SLMAP: variants seen among roughly 807,000 people sequenced by gnomAD.
The protein encoded by SLMAP is sarcolemma associated protein.
Under a neutral mutation model 128.8 loss-of-function variants are expected in SLMAP, and 44 were observed. That is an observed-to-expected ratio of 0.34 (90% CI 0.27 to 0.44). SLMAP has a LOEUF of 0.44. Among genes scored for constraint, SLMAP ranks in the 20% least tolerant of loss-of-function variants. The pLI, the probability that SLMAP is intolerant of heterozygous loss-of-function variation, is 1.00. For synonymous variants in SLMAP, 327 were observed against 348.8 expected (o/e 0.94, Z 0.70); for missense variants, 787 against 985.3 (o/e 0.80, Z 2.69).
intron 2 of SLMAP, among the ~76,000 whole-genome samples, chr3:57,764,224 G>C (rs994685651): frequency 6.6e-6 from 1 of 152,028 alleles, no homozygotes; most frequent in African/African-American, 2.4e-5. Flanking sequence ...AGAGTGGGCC[G>C]GGTGCGGTGG....
At chr3:57,832,681 A>T (rs1299321574) in intron 3 of SLMAP, among the ~76,000 whole-genome samples, 1 of 152,150 alleles carries the variant, frequency 6.6e-6, no homozygotes, top group Admixed American at 6.5e-5. Flanking sequence ...GGTGATGATG[A>T]TAATGCTGAT....
chr3:57,871,529 G>C (rs1462684116), intron 13 of SLMAP, 107 bp from the exon 14 acceptor site: 4 of 763,306 alleles, frequency 5.2e-6, no homozygotes, highest in Non-Finnish European at 9.1e-6. Flanking sequence ...GCCTTTATTA[G>C]TCTTACTTAG....
intron 2 of SLMAP, among the ~76,000 whole-genome samples, chr3:57,814,143 A>G (rs944846911): frequency 6.7e-6 from 1 of 149,704 alleles, no homozygotes; most frequent in East Asian, 2.0e-4. Flanking sequence ...TTTCCAAGTC[A>G]TGAGCCCCTC....
rs35541333 is a variant in SLMAP at position 57,885,771 on chromosome 3, C to CTTTTT, written c.1301-4244_1301-4240dup. ...TTGTTTTGCTTTTCGGTTTTTGGTT[C>CTTTTT]TTTTTTTTTTTTTTTTTTTTTTTTT... On this transcript the variant is annotated intron_variant, in intron 14 of 24. Transcript: ENST00000671191. Among the ~76,000 whole-genome samples, 92 of 53,582 alleles carry CTTTTT rather than the reference C, an allele frequency of 1.7e-3. 21 individuals carry two copies. The highest frequency in any genetic ancestry group is 2.3e-3 in the Non-Finnish European group (68 of 30,198). The allele number at this position is 53,582 out of a possible 152,430, so 35.2% of individuals were successfully genotyped here.
chr3:57,889,928 A>G (rs2096012993), intron 14 of SLMAP, 113 bp from the exon 15 acceptor site: 3 of 704,138 alleles, frequency 4.3e-6, no homozygotes, highest in Admixed American at 2.1e-5. Flanking sequence ...AAGCTTGGTC[A>G]TAGGAGTAAT....
chr3:57,849,617 T>C, intron 5 of SLMAP, 137 bp from the exon 6 acceptor site: 1 of 576,334 alleles, frequency 1.7e-6, no homozygotes, highest in Non-Finnish European at 3.1e-6. Context: ...AAGGCTATAT[T>C]GCCTTTGTGC....
chr3:57,771,917 G>A (rs1398922441), intron 2 of SLMAP, among the ~76,000 whole-genome samples: 1 of 152,168 alleles, frequency 6.6e-6, no homozygotes, highest in African/African-American at 2.4e-5. Flanking sequence ...CGCCTTACTT[G>A]AAGATTTGAA....
intron 2 of SLMAP, among the ~76,000 whole-genome samples, chr3:57,761,281 A>ATTTTGT (rs1435038977): frequency 6.6e-6 from 1 of 151,598 alleles, no homozygotes; most frequent in Non-Finnish European, 1.5e-5. Flanking sequence ...TATAGAATAA[A>ATTTTGT]TTTTGTTTTT....
intron 23 of SLMAP, among the ~76,000 whole-genome samples, chr3:57,924,376 C>CT (rs1004075421): frequency 7.5e-5 from 11 of 146,952 alleles, no homozygotes; most frequent in East Asian, 2.0e-4. Context: ...TCTTTTTTCT[C>CT]TTTTTTTTTG....
chr3:57,871,506 C>A, intron 13 of SLMAP, 130 bp from the exon 14 acceptor site: 1 of 639,874 alleles, frequency 1.6e-6, no homozygotes, highest in South Asian at 1.9e-5. Context: ...GCTTTAGTAT[C>A]AAAATATATT....
rs532058171 is a variant in SLMAP at position 57,848,795 on chromosome 3, C to T, written c.457-959C>T. Among the ~76,000 whole-genome samples the T allele has an allele frequency of 6.7e-5, 10 of 148,726 alleles. No individual in the cohort carries two copies. The South Asian group carries it at 8.6e-4, about 13-fold the overall frequency. On this transcript the variant is annotated intron_variant, in intron 5 of 24. Transcript: ENST00000671191. ...TGCAATCTCAGTTTACTGCAACCTCCGCCTTCGAGGTTCCAGCGATTCTTC... is the reference window on the plus strand; with the variant it reads ...TGCAATCTCAGTTTACTGCAACCTCTGCCTTCGAGGTTCCAGCGATTCTTC...
chr3:57,825,500 C>CTTT (rs539901060), intron 2 of SLMAP, among the ~76,000 whole-genome samples: 1 of 106,580 alleles, frequency 9.4e-6, no homozygotes, highest in East Asian at 2.8e-4. Context: ...TGTGTGTTTT[C>CTTT]TTTTTTTTTT....
chr3:57,880,287 C>T (rs1337534095), intron 14 of SLMAP, among the ~76,000 whole-genome samples: 4 of 151,994 alleles, frequency 2.6e-5, no homozygotes, highest in Admixed American at 6.6e-5. Flanking sequence ...CTGCAACCTC[C>T]GCCTCCCGGG....
chr3:57,796,187 A>C lies in SLMAP; in HGVS notation c.199-35196A>C, dbSNP rs79826728. Among the ~76,000 whole-genome samples the C allele has an allele frequency of 5.3e-5, 8 of 152,324 alleles. No homozygotes were observed. In the East Asian group the frequency reaches 1.3e-3, roughly 26 times the overall value. ...CACCAATATAACTATCAAAGGTTTT[A>C]TGGGAGGAGTTTTATTAAGTGTTCT... On this transcript the variant is annotated intron_variant, in intron 2 of 24. Transcript: ENST00000671191.
rs2153715369 is a variant in SLMAP, at chr3:57,929,812, A to G, written c.*2523A>G. Among the ~76,000 whole-genome samples, 1 of 152,344 alleles carries G rather than the reference A, an allele frequency of 6.6e-6. No homozygotes were observed. The highest frequency in any genetic ancestry group is 2.1e-4 in the South Asian group (1 of 4,834). On this transcript the variant is annotated 3_prime_UTR_variant, in exon 25 of 25. Transcript: ENST00000671191. The stretch of plus-strand genomic sequence containing the variant: ...TCTCTGAGTCTCCATTTTCTCATTT[A>G]TAACATGCGGAGAATAATACTTATA...
chr3:57,786,552 CTTT>C (rs34574598), intron 2 of SLMAP, among the ~76,000 whole-genome samples: 13 of 129,952 alleles, frequency 1.0e-4, no homozygotes, highest in Non-Finnish European at 1.0e-4. Context: ...AATTATATAG[CTTT>C]TTTTTTTTTT....
chr3:57,882,261 T>A (rs1019937082), intron 14 of SLMAP, among the ~76,000 whole-genome samples: 1 of 152,158 alleles, frequency 6.6e-6, no homozygotes, highest in African/African-American at 2.4e-5. Flanking sequence ...AAGAAGGCTT[T>A]GCCTTCATGG....
chr3:57,824,778 T>G (rs928148401), intron 2 of SLMAP, among the ~76,000 whole-genome samples: 2 of 152,220 alleles, frequency 1.3e-5, no homozygotes, highest in African/African-American at 4.8e-5. Context: ...CTTTTCCATT[T>G]CTGCAGAAAA....
intron 2 of SLMAP, among the ~76,000 whole-genome samples, chr3:57,830,508 G>T (rs933481842): frequency 9.2e-5 from 14 of 152,186 alleles, no homozygotes; most frequent in African/African-American, 3.4e-4. Flanking sequence ...TTTACTGGTG[G>T]TTCTCTTCCT....
Sources: allele counts gnomAD v4.1 joint callset (sites outside exome capture counted in the v4.1 genomes callset), GRCh38; gene constraint gnomAD v4.1.1; transcripts MANE v1.5; gene names NCBI Gene and HGNC (gene_info 2026-07-23, HGNC 2026-07-21).